Variants in ERBIN observed in about 807,000 individuals in gnomAD.
The protein encoded by ERBIN is erbb2 interacting protein.
ERBIN carries 60 observed loss-of-function variants against 158.4 expected under a neutral mutation model. The ratio of observed to expected loss-of-function variants is 0.38; its 90% CI spans 0.31 to 0.47. The LOEUF (loss-of-function observed/expected upper bound fraction) is 0.47. Ranked by LOEUF, ERBIN falls within the 20% of genes least tolerant of loss-of-function variation. ERBIN has a pLI of 0.99. For missense variants in ERBIN, 1,610 were observed against 1,648.0 expected, an observed-to-expected ratio of 0.98 and a Z score of 0.40; for synonymous variants, 594 against 557.2, an observed-to-expected ratio of 1.07 and a Z score of -0.93.
chr5:65,966,979 A>C (rs1381550741), intron 1 of ERBIN, among the ~76,000 whole-genome samples: 1 of 152,118 alleles, frequency 6.6e-6, no homozygotes, highest in East Asian at 1.9e-4. Context: ...ATATAAAATA[A>C]GGATATAGGA....
At chr5:65,946,264 TAAGA>T (rs1223634707) in intron 1 of ERBIN, among the ~76,000 whole-genome samples, 1 of 151,982 alleles carries the variant, frequency 6.6e-6, no homozygotes, top group East Asian at 1.9e-4. Flanking sequence ...CTCAGGAGGC[TAAGA>T]TGGAGGTATT....
chr5:66,023,359 C>G lies in ERBIN; in HGVS notation c.667C>G (p.Pro223Ala). 6.2e-7 allele frequency: 1 copy of G among 1,607,816 alleles called. No homozygotes were observed. Among genetic ancestry groups the G allele is most frequent in the South Asian group, 1.1e-5 (1 of 90,660 alleles). Reference sequence around the variant, plus strand: ...GGATGCTAATAGACTGACTTTTATTCCAGGGGTATGTATATGAGATTTTAA... The same window carrying G: ...GGATGCTAATAGACTGACTTTTATTGCAGGGGTATGTATATGAGATTTTAA... ...WMDANRLTFI[P>A]GFIGSLKQLT... is the part of the protein sequence containing the mutation. The change falls in exon 9 of 26, where the codon CCA becomes GCA. Residue 223 changes from proline (P) to alanine (A), a missense_variant. Transcript: ENST00000284037.
chr5:65,976,085 A>G (rs1387241875), intron 1 of ERBIN, among the ~76,000 whole-genome samples: 1 of 152,250 alleles, frequency 6.6e-6, no homozygotes, highest in African/African-American at 2.4e-5. Flanking sequence ...TGGCATAGAC[A>G]TAAACATGAG....
At chr5:65,940,260 G>T (rs1296550250) in intron 1 of ERBIN, among the ~76,000 whole-genome samples, 2 of 140,122 alleles carry the variant, frequency 1.4e-5, no homozygotes, top group Non-Finnish European at 3.2e-5. Context: ...GAGGTGAGGA[G>T]CGTCTCTGCC....
chr5:65,944,381 A>G (rs1489239786), intron 1 of ERBIN, among the ~76,000 whole-genome samples: 1 of 151,536 alleles, frequency 6.6e-6, no homozygotes, highest in Non-Finnish European at 1.5e-5. Context: ...GTATCTCATC[A>G]TGGTGGTTGT....
chr5:66,042,127 T>G (rs1437388861), intron 15 of ERBIN, among the ~76,000 whole-genome samples: 1 of 152,064 alleles, frequency 6.6e-6, no homozygotes, highest in African/African-American at 2.4e-5. Context: ...GCAGAAATAT[T>G]CGAATTGACC....
chr5:66,054,038 G>A lies in ERBIN; in HGVS notation c.2720G>A (p.Gly907Glu), dbSNP rs1483232055. 3.1e-6 allele frequency: 5 copies of A among 1,613,966 alleles called. No homozygotes were observed. The African/African-American group carries it at 4.0e-5, about 13-fold the overall frequency. ...TTVKITSAVD[G>E]KNIVRSKSAT... ...GTTAAAATCACATCTGCTGTTGATG[G>A]AAAAAATATAGTCAGGAGCAAGTCT... Residue 907 changes from glycine to glutamate, a missense_variant, in exon 21 of 26, where the codon GGA (glycine) becomes GAA (glutamate). Physicochemically the swap from Gly to Glu is moderately conservative, Grantham distance 98. Transcript: ENST00000284037.
At chr5:65,957,532 G>A (rs542567757) in intron 1 of ERBIN, among the ~76,000 whole-genome samples, 4 of 152,174 alleles carry the variant, frequency 2.6e-5, no homozygotes, top group African/African-American at 7.2e-5. Flanking sequence ...CCGGGTTGGG[G>A]GTAAGGTCAT....
intron 17 of ERBIN, among the ~76,000 whole-genome samples, chr5:66,046,074 A>C (rs1369455055): frequency 2.0e-5 from 3 of 150,840 alleles, no homozygotes; most frequent in Non-Finnish European, 4.4e-5. Context: ...GAGCTAAGTG[A>C]CTCAGTTGTC....
chr5:65,984,519 C>T (rs979347295), intron 1 of ERBIN, among the ~76,000 whole-genome samples: 2 of 152,234 alleles, frequency 1.3e-5, no homozygotes, highest in African/African-American at 4.8e-5. Flanking sequence ...ACCCTCAGTG[C>T]AGCCCATGAT....
Position 66,078,428 on chromosome 5 carries a change from T to G in ERBIN, c.4137T>G (p.Asn1379Lys). ...LQPGDKIIQA[N>K]GYSFINIEHG... ...AAGCATTTTTCCTCTTCTAGGCTAA[T>G]GGCTACAGTTTTATAAATATTGAAC... is the stretch of plus-strand genomic sequence containing the variant. Residue 1379 changes from asparagine (N) to lysine (K), a missense_variant, in exon 26 of 26, where the codon AAT becomes AAG. Asn to Lys is a moderately conservative substitution (Grantham distance 94). Around this residue, in one of 2 missense-constraint regions of ERBIN, gnomAD observed 1,014 missense variants for 936.1 expected, o/e 1.08. Coordinates refer to ENST00000284037, the MANE Select transcript of ERBIN (RefSeq NM_001253697.2). 6.3e-7 allele frequency: 1 copy of G among 1,574,816 alleles called. No homozygotes were observed. The highest frequency in any genetic ancestry group is 1.7e-4 in the Middle Eastern group (1 of 5,974).
chr5:65,971,929 G>A (rs1208073298), intron 1 of ERBIN, among the ~76,000 whole-genome samples: 1 of 152,182 alleles, frequency 6.6e-6, no homozygotes, highest in African/African-American at 2.4e-5. Flanking sequence ...TTTCAAAAGG[G>A]AGAATAGCTC....
chr5:65,939,952 C>T (rs1744627819), intron 1 of ERBIN, among the ~76,000 whole-genome samples: 1 of 151,964 alleles, frequency 6.6e-6, no homozygotes, highest in African/African-American at 2.4e-5. Context: ...AGATTGCAGC[C>T]TCTGCCCGGC....
chr5:65,977,842 G>A (rs1304216403), intron 1 of ERBIN, among the ~76,000 whole-genome samples: 3 of 152,246 alleles, frequency 2.0e-5, no homozygotes, highest in Admixed American at 6.5e-5. Flanking sequence ...CCGAGATCAC[G>A]CCACTGCACT....
chr5:65,949,310 A>G (rs1044879070), intron 1 of ERBIN, among the ~76,000 whole-genome samples: 2 of 152,204 alleles, frequency 1.3e-5, no homozygotes, highest in Non-Finnish European at 1.5e-5. Flanking sequence ...ACTTTCTAAT[A>G]GTTACCAGTC....
At chr5:66,021,509 AT>A in intron 8 of ERBIN, 124 bp downstream of exon 8, 1 of 622,250 alleles carries the variant, frequency 1.6e-6, no homozygotes, top group Non-Finnish European at 2.6e-6. Flanking sequence ...GTTACAAGAT[AT>A]GAAATTTCTT....
At chr5:66,005,946 A>G (rs945391913) in intron 4 of ERBIN, among the ~76,000 whole-genome samples, 8 of 152,162 alleles carry the variant, frequency 5.3e-5, no homozygotes, top group African/African-American at 1.9e-4. Context: ...GGAAGAATCA[A>G]TATCGTGAAA....
chr5:66,081,037 T>A lies in ERBIN; in HGVS notation c.*2507T>A, dbSNP rs1762363802. ...ATTTTTTGAGGAAGTGGAGAAGACA[T>A]TTTTAGTTTATATATTGTTGAGTAA... On this transcript the variant is annotated 3_prime_UTR_variant, in exon 26 of 26. Transcript: ENST00000284037. 6.6e-6 allele frequency: 1 copy of A among 151,472 alleles called. No individual in the cohort carries two copies. The highest frequency in any genetic ancestry group is 2.1e-4 in the South Asian group (1 of 4,822). 9.4% of individuals were successfully genotyped at this position (151,472 alleles called of 1,614,324 possible). A position where few individuals can be genotyped will look rare whatever the true frequency, so the allele number is the denominator to read the frequency against.
chr5:66,064,761 C>T (rs796996863), intron 21 of ERBIN, among the ~76,000 whole-genome samples: 13 of 152,196 alleles, frequency 8.5e-5, no homozygotes, highest in African/African-American at 3.1e-4. Context: ...GTCTGAAAAA[C>T]ACTTGGGTTA....
Sources: allele counts gnomAD v4.1 joint callset (sites outside exome capture counted in the v4.1 genomes callset), GRCh38; gene constraint gnomAD v4.1.1; regional missense constraint gnomAD v4.1.1; transcripts MANE v1.5; gene names NCBI Gene and HGNC (gene_info 2026-07-23, HGNC 2026-07-21).